Variants in RXRA observed in about 807,000 individuals in gnomAD.
The protein encoded by RXRA is retinoic acid receptor RXR-alpha.
In RXRA, 5 loss-of-function variants were observed where a neutral mutation model predicts 44.5. The observed-to-expected ratio is 0.11, with a 90% CI of 0.06 to 0.24. The LOEUF is 0.24. Ranked by LOEUF, RXRA falls within the 10% of genes least tolerant of loss-of-function variation. The pLI, the probability that RXRA is intolerant of heterozygous loss-of-function variation, is 1.00. For missense variants in RXRA, 412 were observed against 646.5 expected (o/e 0.64, Z 3.93); for synonymous variants, 291 against 271.4 (o/e 1.07, Z -0.71).
At chr9:134,388,435 A>G (rs747830789) in intron 1 of RXRA, among the ~76,000 whole-genome samples, 7 of 152,138 alleles carry the variant, frequency 4.6e-5, no homozygotes, top group Non-Finnish European at 7.4e-5. Context: ...TTCTGCTCTC[A>G]CGCAGGAGTG....
chr9:134,370,334 C>T (rs533562093), intron 1 of RXRA, among the ~76,000 whole-genome samples: 146 of 152,318 alleles, frequency 9.6e-4, no homozygotes, highest in African/African-American at 2.6e-3. Flanking sequence ...CTGCCCTCGC[C>T]GTGTCCACTG....
chr9:134,401,311 C>T (rs34534823), intron 1 of RXRA: 24 of 369,956 alleles, frequency 6.5e-5, no homozygotes, highest in African/African-American at 1.9e-4. Context: ...CCCAGGTGGA[C>T]GGGCCTGGAG....
chr9:134,425,508 G>T (rs1206967367), intron 6 of RXRA: 1 of 980,788 alleles, frequency 1.0e-6, no homozygotes, highest in East Asian at 1.2e-4. Flanking sequence ...TCGTCTGAGG[G>T]CCTGGGTTGC....
chr9:134,394,934 C>T (rs1338993904), intron 1 of RXRA, among the ~76,000 whole-genome samples: 2 of 152,208 alleles, frequency 1.3e-5, no homozygotes, highest in Non-Finnish European at 2.9e-5. Context: ...CCTGCTTTCT[C>T]TGCATTTGTG....
chr9:134,383,647 C>T (rs564403275), intron 1 of RXRA, among the ~76,000 whole-genome samples: 6 of 152,150 alleles, frequency 3.9e-5, no homozygotes, highest in African/African-American at 1.2e-4. Flanking sequence ...AGGCAGCTGG[C>T]GAGGATCTGG....
chr9:134,434,230 C>G, intron 9 of RXRA, 23 bp downstream of exon 9: 1 of 1,555,014 alleles, frequency 6.4e-7, no homozygotes, highest in Non-Finnish European at 8.9e-7. Flanking sequence ...CCGTCCCACA[C>G]ACACCCCAGA....
At chr9:134,398,781 G>C (rs1280772334) in intron 1 of RXRA, among the ~76,000 whole-genome samples, 1 of 152,252 alleles carries the variant, frequency 6.6e-6, no homozygotes, top group Non-Finnish European at 1.5e-5. Context: ...CAGAGGCCAG[G>C]AAGAAAGGTG....
intron 1 of RXRA, among the ~76,000 whole-genome samples, chr9:134,356,886 A>G (rs1588261683): frequency 6.6e-6 from 1 of 152,264 alleles, no homozygotes; most frequent in East Asian, 1.9e-4. Flanking sequence ...TGGCCCTGGT[A>G]GAAAGTGTCT....
intron 1 of RXRA, among the ~76,000 whole-genome samples, chr9:134,368,580 G>A (rs1414797779): frequency 6.6e-6 from 1 of 151,860 alleles, no homozygotes; most frequent in Non-Finnish European, 1.5e-5. Flanking sequence ...GTATAGGTAT[G>A]TGTGACTGTA....
chr9:134,393,106 C>T (rs1165399770), intron 1 of RXRA, among the ~76,000 whole-genome samples: 1 of 152,120 alleles, frequency 6.6e-6, no homozygotes, highest in South Asian at 2.1e-4. Context: ...TTGACATTTC[C>T]TGAGCCAGCG....
intron 4 of RXRA, among the ~76,000 whole-genome samples, chr9:134,415,042 A>G (rs1403914229): frequency 1.4e-4 from 21 of 152,108 alleles, no homozygotes; most frequent in Admixed American, 1.4e-3. Flanking sequence ...CCCACCCACC[A>G]TCAGGTTTCC....
rs560192120 is a variant in RXRA, at chr9:134,407,676, G to T, written c.280-473G>T. 1.6e-4 allele frequency among the ~76,000 whole-genome samples: 25 copies of T among 152,142 alleles called. No homozygotes were observed. Among genetic ancestry groups the T allele is most frequent in the Non-Finnish European group, 2.9e-4 (20 of 67,972 alleles). On this transcript the variant is annotated intron_variant, in intron 2 of 9. Coordinates refer to ENST00000481739, the MANE Select transcript of RXRA (RefSeq NM_002957.6). The surrounding 1 kb of genome is among the most constrained non-coding windows in gnomAD (Gnocchi z 4.8). ...GGGGTGTATGTGTGGTTCTTGGGGG[G>T]GTCCCCAGCCCTCCTCCGTCCTGGG...
At chr9:134,431,845 G>A in intron 7 of RXRA, 60 bp from the exon 8 acceptor site, 2 of 1,337,762 alleles carry the variant, frequency 1.5e-6, no homozygotes, top group Non-Finnish European at 2.1e-6. Context: ...TATCTGGGGT[G>A]TGGCCCTGGT....
chr9:134,430,133 A>G (rs4515623), intron 7 of RXRA, among the ~76,000 whole-genome samples: 49,169 of 151,968 alleles, frequency 0.32, 13,437 homozygotes, highest in African/African-American at 0.75. Context: ...TGATCCGCCC[A>G]CCTCGGCCTC....
At chr9:134,427,303 C>G (rs1220747553) in intron 6 of RXRA, 1 of 375,520 alleles carries the variant, frequency 2.7e-6, no homozygotes, top group Non-Finnish European at 3.7e-6. Context: ...TTCCTAAACC[C>G]CCGCCCCGGG....
intron 4 of RXRA, among the ~76,000 whole-genome samples, chr9:134,413,755 C>A (rs1831189735): frequency 6.6e-6 from 1 of 152,130 alleles, no homozygotes; most frequent in South Asian, 2.1e-4. Context: ...TGTGGCAGGT[C>A]GGAGATGTCC....
At chr9:134,399,271 C>T (rs1376781859) in intron 1 of RXRA, among the ~76,000 whole-genome samples, 1 of 152,236 alleles carries the variant, frequency 6.6e-6, no homozygotes, top group Non-Finnish European at 1.5e-5. Flanking sequence ...CTAGGGGCAG[C>T]TGCAGGTTTC....
At chr9:134,424,390 C>T (rs764675993) in intron 6 of RXRA, 67 of 985,320 alleles carry the variant, frequency 6.8e-5, no homozygotes, top group Non-Finnish European at 7.8e-5. Context: ...GAGTGGGACT[C>T]CCAGCCTGAC....
chr9:134,404,493 T>TGAG (rs1831018054), intron 2 of RXRA: 1 of 151,470 alleles, frequency 6.6e-6, no homozygotes, highest in African/African-American at 2.4e-5. Flanking sequence ...ATTGGTGGAG[T>TGAG]GAGTTGGTGC....
Sources: allele counts gnomAD v4.1 joint callset (sites outside exome capture counted in the v4.1 genomes callset), GRCh38; gene constraint gnomAD v4.1.1; non-coding constraint Gnocchi (gnomAD v3.1); transcripts MANE v1.5; gene names NCBI Gene and HGNC (gene_info 2026-07-23, HGNC 2026-07-21).